Variants in CACNB4 observed in about 807,000 individuals in gnomAD.
CACNB4 encodes calcium voltage-gated channel auxiliary subunit beta 4.
Under a neutral mutation model 71.2 loss-of-function variants are expected in CACNB4, and 32 were observed. The observed-to-expected ratio is 0.45, with a 90% CI of 0.34 to 0.60. The LOEUF is 0.60. CACNB4 is among the 20% of genes least tolerant of loss of function. The pLI is 0.01. For missense variants in CACNB4, 464 were observed against 647.9 expected, an observed-to-expected ratio of 0.72 and a Z score of 3.08; for synonymous variants, 231 against 236.9, an observed-to-expected ratio of 0.97 and a Z score of 0.23.
intron 2 of CACNB4, among the ~76,000 whole-genome samples, chr2:151,930,028 A>C (rs2099861245): frequency 6.6e-6 from 1 of 152,208 alleles, no homozygotes; most frequent in Non-Finnish European, 1.5e-5. Context: ...AGAAAAATAA[A>C]TTCGTGATAA....
intron 2 of CACNB4, among the ~76,000 whole-genome samples, chr2:152,089,501 C>G (rs544476917): frequency 6.6e-6 from 1 of 152,340 alleles, no homozygotes; most frequent in Middle Eastern, 3.4e-3. Flanking sequence ...GAAGGATCAT[C>G]TCAGAGGATA....
At chr2:152,026,466 C>A (rs1452882742) in intron 2 of CACNB4, among the ~76,000 whole-genome samples, 2 of 151,988 alleles carry the variant, frequency 1.3e-5, no homozygotes, top group Non-Finnish European at 2.9e-5. Context: ...CTCACTGCAA[C>A]CTCTGCCTCC....
chr2:152,062,769 A>T (rs1216112141), intron 2 of CACNB4, among the ~76,000 whole-genome samples: 1 of 152,206 alleles, frequency 6.6e-6, no homozygotes, highest in Non-Finnish European at 1.5e-5. Context: ...GAGGAGAGGG[A>T]ACTTCCTTAA....
intron 2 of CACNB4, among the ~76,000 whole-genome samples, chr2:151,990,254 T>C (rs112579231): frequency 0.011 from 1,699 of 152,326 alleles, 28 homozygotes; most frequent in African/African-American, 0.039. Context: ...CCATATCTCA[T>C]TGTATCAAAT....
chr2:151,897,118 T>A (rs1006462592), intron 2 of CACNB4, among the ~76,000 whole-genome samples: 2 of 152,246 alleles, frequency 1.3e-5, no homozygotes, highest in Non-Finnish European at 2.9e-5. Context: ...CTAGGTTCTC[T>A]CCAGCACATC....
intron 2 of CACNB4, among the ~76,000 whole-genome samples, chr2:152,007,765 T>C (rs1682814207): frequency 6.7e-6 from 1 of 148,756 alleles, no homozygotes; most frequent in Non-Finnish European, 1.5e-5. Context: ...CATATGGTAA[T>C]TCTACGTAAT....
intron 2 of CACNB4, among the ~76,000 whole-genome samples, chr2:152,026,568 A>C (rs1256350856): frequency 6.6e-6 from 1 of 152,134 alleles, no homozygotes; most frequent in Admixed American, 6.6e-5. Flanking sequence ...TACTTTTAGC[A>C]GAGATGAGGT....
intron 2 of CACNB4, among the ~76,000 whole-genome samples, chr2:152,000,597 C>A (rs948853123): frequency 1.3e-5 from 2 of 152,156 alleles, no homozygotes; most frequent in Admixed American, 1.3e-4. Flanking sequence ...CATTACCAGC[C>A]CCTCTAAACC....
intron 2 of CACNB4, among the ~76,000 whole-genome samples, chr2:152,041,543 A>G (rs889449730): frequency 1.1e-4 from 17 of 152,206 alleles, no homozygotes; most frequent in Non-Finnish European, 2.1e-4. Context: ...GCTGGTTATG[A>G]GAGTTTACTA....
chr2:151,897,343 G>A (rs149649042), intron 2 of CACNB4, among the ~76,000 whole-genome samples: 5 of 152,244 alleles, frequency 3.3e-5, no homozygotes, highest in Admixed American at 6.5e-5. Flanking sequence ...TGATGGAATC[G>A]GTCATTTGAA....
chr2:151,869,664 C>T (rs758659545), intron 8 of CACNB4: 3 of 164,708 alleles, frequency 1.8e-5, no homozygotes, highest in Admixed American at 6.1e-5. Context: ...TGTATGTTGG[C>T]GGAAATTCTC....
intron 2 of CACNB4, among the ~76,000 whole-genome samples, chr2:151,960,508 C>T (rs772173765): frequency 5.9e-5 from 9 of 152,204 alleles, no homozygotes; most frequent in Non-Finnish European, 1.2e-4. Flanking sequence ...TGGCTGGGCA[C>T]ATAACCACCA....
At chr2:152,034,615 T>C (rs1684461236) in intron 2 of CACNB4, among the ~76,000 whole-genome samples, 2 of 152,212 alleles carry the variant, frequency 1.3e-5, no homozygotes, top group Non-Finnish European at 2.9e-5. Context: ...GATCTGTATA[T>C]GAATTAGAGA....
intron 2 of CACNB4, among the ~76,000 whole-genome samples, chr2:152,088,817 A>C (rs148420300): frequency 3.9e-4 from 59 of 152,358 alleles, no homozygotes; most frequent in African/African-American, 1.3e-3. Flanking sequence ...AAAATAGGGA[A>C]GTTTACAAAG....
intron 9 of CACNB4, chr2:151,861,057 T>C (rs1038730290): frequency 1.6e-5 from 8 of 504,182 alleles, no homozygotes; most frequent in Middle Eastern, 5.0e-4. Context: ...AGTAAAAATG[T>C]TCTTCCTCCA....
In CACNB4 at chr2:151,987,706, CATTTT is replaced by C. The variant is rs1560111699; in HGVS notation, c.148-104341_148-104337del. ...CCATGCCAGCACTTTCCCTCCTCTT[CATTTT>C]ATTTTATTTTTCTAAATTTGGAGTC... On this transcript the variant is annotated intron_variant, in intron 2 of 13. Transcript: ENST00000539935. Among the ~76,000 whole-genome samples, 5 of 152,190 alleles carry C rather than the reference CATTTT, an allele frequency of 3.3e-5. No individual in the cohort carries two copies. The East Asian group carries it at 7.7e-4, about 23-fold the overall frequency.
intron 2 of CACNB4, among the ~76,000 whole-genome samples, chr2:152,054,480 G>T (rs1340970276): frequency 6.6e-6 from 1 of 151,508 alleles, no homozygotes; most frequent in Non-Finnish European, 1.5e-5. Flanking sequence ...CTCATCAACT[G>T]ATGACCATTT....
At chr2:152,094,556 C>T (rs1249678667) in intron 2 of CACNB4, among the ~76,000 whole-genome samples, 1 of 152,190 alleles carries the variant, frequency 6.6e-6, no homozygotes, top group Non-Finnish European at 1.5e-5. Context: ...TGTGTAGTGA[C>T]ACCCATGGGT....
Position 151,876,464 on chromosome 2 carries a change from C to T in CACNB4, c.483G>A (p.Arg161=). Reference sequence around the variant, plus strand: ...GTCCTCTTTTTTGTTCTTGCTGGATCCGTATGTTCTCCAATCTGAGTGGAC... The same window carrying T: ...GTCCTCTTTTTTGTTCTTGCTGGATTCGTATGTTCTCCAATCTGAGTGGAC... ...IPSPLRLENI[R]IQQEQKRGRF... Residue 161 remains arginine, a synonymous_variant, in exon 5 of 14, where the codon CGG becomes CGA. Coordinates refer to ENST00000539935, the MANE Select transcript of CACNB4 (RefSeq NM_000726.5). The T allele has an allele frequency of 6.2e-7, 1 of 1,603,778 alleles. No individual in the cohort carries two copies. The highest frequency in any genetic ancestry group is 8.5e-7 in the Non-Finnish European group (1 of 1,173,320).
Sources: allele counts gnomAD v4.1 joint callset (sites outside exome capture counted in the v4.1 genomes callset), GRCh38; gene constraint gnomAD v4.1.1; transcripts MANE v1.5; gene names NCBI Gene and HGNC (gene_info 2026-07-23, HGNC 2026-07-21).